The following VPS45 variants were observed in gnomAD, a reference collection of about 807,000 sequenced individuals.
The protein encoded by VPS45 is vacuolar protein sorting 45 homolog.
A neutral mutation model predicts 75.9 loss-of-function variants in VPS45; 35 were observed. That is an observed-to-expected ratio of 0.46 (90% CI 0.35 to 0.61). The LOEUF (loss-of-function observed/expected upper bound fraction) is 0.61. VPS45 is among the 20% of genes least tolerant of loss of function. The pLI is 0.00. For synonymous variants in VPS45, 220 were observed against 238.2 expected, an observed-to-expected ratio of 0.92 and a Z score of 0.70; for missense variants, 559 against 685.9, an observed-to-expected ratio of 0.81 and a Z score of 2.07.
At chr1:150,121,627 A>G (rs916867208) in intron 14 of VPS45, among the ~76,000 whole-genome samples, 1 of 152,238 alleles carries the variant, frequency 6.6e-6, no homozygotes, top group African/African-American at 2.4e-5. Flanking sequence ...GGAATTATAT[A>G]TGGCATGAGT....
intron 2 of VPS45, among the ~76,000 whole-genome samples, chr1:150,070,054 C>G (rs1180328207): frequency 6.6e-6 from 1 of 152,128 alleles, no homozygotes; most frequent in Non-Finnish European, 1.5e-5. Flanking sequence ...CGTCATGCCA[C>G]GGGACGTTTG....
chr1:150,105,239 T>C (rs59354740), intron 13 of VPS45, among the ~76,000 whole-genome samples: 3,270 of 152,260 alleles, frequency 0.021, 97 homozygotes, highest in African/African-American at 0.074. Context: ...CCACTCTCAC[T>C]GGTCCTATTC....
chr1:150,096,509 C>G (rs1003506041), intron 13 of VPS45, among the ~76,000 whole-genome samples: 4 of 152,058 alleles, frequency 2.6e-5, no homozygotes, highest in Admixed American at 2.0e-4. Context: ...AAGAAAAGAT[C>G]AGGATTGGTA....
At chr1:150,069,606 G>A (rs939017451) in intron 2 of VPS45, among the ~76,000 whole-genome samples, 1 of 116,950 alleles carries the variant, frequency 8.6e-6, no homozygotes, top group Admixed American at 9.4e-5. Context: ...ACAGGTGCCC[G>A]CCACCACGCC....
chr1:150,103,953 TTTAC>T (rs1453694608), intron 13 of VPS45, among the ~76,000 whole-genome samples: 4 of 152,238 alleles, frequency 2.6e-5, no homozygotes, highest in African/African-American at 9.6e-5. Context: ...AATTCATTTA[TTTAC>T]TTAAGTAAAT....
chr1:150,077,816 T>G, intron 7 of VPS45, 37 bp downstream of exon 7: 1 of 1,489,268 alleles, frequency 6.7e-7, no homozygotes, highest in Non-Finnish European at 9.4e-7. Context: ...GAAGGATAAT[T>G]TTAAGTGATA....
rs770290870 is a variant in VPS45, at chr1:150,072,181, A to G, written c.244A>G (p.Ile82Val). 1.9e-6 allele frequency: 3 copies of G among 1,608,494 alleles called. No individual in the cohort carries two copies. Among genetic ancestry groups the G allele is most frequent in the Non-Finnish European group, 2.5e-6 (3 of 1,177,024 alleles). Residue 82 changes from isoleucine to valine, a missense_variant, in exon 3 of 15, where the codon ATT (isoleucine) becomes GTT (valine). Ile to Val is a conservative substitution (Grantham distance 29). Transcript: ENST00000644510. ...CATTTTCTAGGAGAATGTGGATTAT[A>G]TTATTCAGGAGCTCCGAAGACCCAA... ...LRPTKENVDY[I>V]IQELRRPKYT... is the part of the protein sequence containing the mutation.
intron 14 of VPS45, among the ~76,000 whole-genome samples, chr1:150,113,559 C>T (rs587738657): frequency 5.6e-4 from 85 of 152,206 alleles, no homozygotes; most frequent in Admixed American, 5.9e-4. Context: ...CTTCTGTCAC[C>T]GTAGATTAGT....
chr1:150,135,751 G>C (rs1659044074), intron 14 of VPS45, among the ~76,000 whole-genome samples: 1 of 151,664 alleles, frequency 6.6e-6, no homozygotes, highest in Non-Finnish European at 1.5e-5. Context: ...AAGCAATTCT[G>C]CCTCACCCCC....
chr1:150,092,491 A>G (rs1656387758), intron 12 of VPS45, 82 bp downstream of exon 12: 5 of 1,107,370 alleles, frequency 4.5e-6, no homozygotes, highest in Non-Finnish European at 6.5e-6. Context: ...TGATCTTCAA[A>G]GTATCTTGAA....
chr1:150,104,193 G>T (rs1657191874), intron 13 of VPS45, among the ~76,000 whole-genome samples: 1 of 151,854 alleles, frequency 6.6e-6, no homozygotes, highest in African/African-American at 2.4e-5. Flanking sequence ...CCCTCTTTTG[G>T]AGTCCCCCAT....
intron 14 of VPS45, among the ~76,000 whole-genome samples, chr1:150,136,905 T>C (rs1659133412): frequency 6.6e-6 from 1 of 152,062 alleles, no homozygotes; most frequent in South Asian, 2.1e-4. Context: ...TGTAGATTTG[T>C]TTGTTTGTTT....
At chr1:150,067,697 A>C (rs1483381836), upstream of VPS45, 2 of 677,398 alleles carry the variant, frequency 3.0e-6, no homozygotes. Flanking sequence ...TCCCCTGTAC[A>C]CTCCAGCGGA....
At chr1:150,140,055 G>A (rs782745375) in intron 14 of VPS45, among the ~76,000 whole-genome samples, 4 of 152,012 alleles carry the variant, frequency 2.6e-5, no homozygotes, top group Non-Finnish European at 5.9e-5. Context: ...CACCACGCCT[G>A]GCTAATTTTT....
chr1:150,076,788 A>G, intron 4 of VPS45, 128 bp from the exon 5 acceptor site: 1 of 931,226 alleles, frequency 1.1e-6, no homozygotes, highest in South Asian at 1.6e-5. Context: ...TTAATTGAAC[A>G]ATTTAGTATC....
chr1:150,092,103 G>GT lies in VPS45; in HGVS notation c.1263+11dup. 8.7e-6 allele frequency: 14 copies of GT among 1,609,940 alleles called. No homozygotes were observed. Among genetic ancestry groups the GT allele is most frequent in the Non-Finnish European group, 1.2e-5 (14 of 1,177,682 alleles). ...TCTGAGAAGTATCGAAAGGTAACCA[G>GT]TTTCCATATTAGCCCACCAAACAGG... On this transcript the variant is annotated intron_variant, in intron 11 of 14. Transcript: ENST00000644510.
At chr1:150,100,946 T>C (rs1282389316) in intron 13 of VPS45, among the ~76,000 whole-genome samples, 2 of 152,102 alleles carry the variant, frequency 1.3e-5, no homozygotes, top group Non-Finnish European at 2.9e-5. Context: ...AAAAAAACTA[T>C]GCATCTGAGA....
Position 150,077,226 on chromosome 1 carries a change from G to T in VPS45, c.571G>T (p.Val191Phe). Reference sequence around the variant, plus strand: ...GGCAGCAAAGAGACTTGCAGAGTGCGTTAAGGTATGGCATTACCTATTCCT... The same window carrying T: ...GGCAGCAAAGAGACTTGCAGAGTGCTTTAAGGTATGGCATTACCTATTCCT... ...SEAAKRLAEC[V>F]KQVITKEYEL... The change falls in exon 6 of 15, where the codon GTT becomes TTT. Residue 191 changes from valine (V) to phenylalanine (F), a missense_variant. Val to Phe is a conservative substitution (Grantham distance 50). Transcript: ENST00000644510. The T allele has an allele frequency of 6.2e-7, 1 of 1,612,648 alleles. No homozygotes were observed. Among genetic ancestry groups the T allele is most frequent in the Non-Finnish European group, 8.5e-7 (1 of 1,179,604 alleles).
At chr1:150,102,534 C>T (rs587638059) in intron 13 of VPS45, among the ~76,000 whole-genome samples, 122 of 111,604 alleles carry the variant, frequency 1.1e-3, no homozygotes, top group Non-Finnish European at 1.1e-3. Context: ...GGGCAATGAA[C>T]GAAACTCTGT....
Sources: gnomAD v4.1 joint callset for allele counts (sites outside exome capture counted in the v4.1 genomes callset) on GRCh38, gnomAD v4.1.1 for gene constraint, MANE v1.5 for transcripts, NCBI Gene and HGNC (gene_info 2026-07-23, HGNC 2026-07-21) for gene names.